The following CTNNA2 variants were observed in gnomAD, a reference collection of about 807,000 sequenced individuals.
CTNNA2 encodes catenin alpha-2.
In CTNNA2, 42 loss-of-function variants were observed where a neutral mutation model predicts 101.0. The observed-to-expected ratio is 0.42, with a 90% CI of 0.32 to 0.54. The LOEUF (loss-of-function observed/expected upper bound fraction) is 0.54, where lower values mean the gene tolerates loss of function less well. Ranked by LOEUF, CTNNA2 falls within the 20% of genes least tolerant of loss-of-function variation. The pLI, the probability that CTNNA2 is intolerant of heterozygous loss-of-function variation, is 0.14. For synonymous variants in CTNNA2, 450 were observed against 456.4 expected (o/e 0.99, Z 0.18); for missense variants, 871 against 1,223.1 (o/e 0.71, Z 4.29).
At chr2:79,734,726 G>T (rs1255651845) in intron 2 of CTNNA2, among the ~76,000 whole-genome samples, 3 of 152,042 alleles carry the variant, frequency 2.0e-5, no homozygotes, top group African/African-American at 7.2e-5. Context: ...TTCCTGAAGG[G>T]AGCATAAATT....
chr2:80,499,681 C>T (rs1009413741), intron 9 of CTNNA2, among the ~76,000 whole-genome samples: 1 of 151,828 alleles, frequency 6.6e-6, no homozygotes, highest in Non-Finnish European at 1.5e-5. Flanking sequence ...ATCAGGCAGG[C>T]GTGGTGGTGA....
intron 7 of CTNNA2, among the ~76,000 whole-genome samples, chr2:80,237,294 T>C (rs922820372): frequency 1.3e-5 from 2 of 152,206 alleles, no homozygotes; most frequent in African/African-American, 4.8e-5. Context: ...TTGAATAATG[T>C]GTTTGTTCAA....
intron 7 of CTNNA2, among the ~76,000 whole-genome samples, chr2:80,058,985 TA>T (rs1165440180): frequency 6.6e-6 from 1 of 152,232 alleles, no homozygotes; most frequent in African/African-American, 2.4e-5. Context: ...CTAATTGACA[TA>T]ATACCAGTCT....
intron 9 of CTNNA2, among the ~76,000 whole-genome samples, chr2:80,507,159 TA>T (rs1310490348): frequency 6.6e-6 from 1 of 152,170 alleles, no homozygotes; most frequent in Admixed American, 6.5e-5. Flanking sequence ...TCCTCATCTG[TA>T]AATGTAGATA....
At chr2:80,231,063 C>T (rs1458983403) in intron 7 of CTNNA2, among the ~76,000 whole-genome samples, 2 of 152,060 alleles carry the variant, frequency 1.3e-5, no homozygotes, top group Admixed American at 6.6e-5. Flanking sequence ...CCTCCATCTC[C>T]CAGGTTCAAG....
intron 3 of CTNNA2, among the ~76,000 whole-genome samples, chr2:79,340,660 T>C (rs75948291): frequency 0.057 from 8,613 of 151,872 alleles, 421 homozygotes; most frequent in African/African-American, 0.12. Flanking sequence ...GGTGAAACCC[T>C]GTCTCTACTA....
intron 7 of CTNNA2, among the ~76,000 whole-genome samples, chr2:80,043,138 C>T (rs1241082704): frequency 2.1e-4 from 11 of 52,758 alleles, no homozygotes; most frequent in African/African-American, 8.6e-4. Flanking sequence ...TCCTTCCTTC[C>T]TTCCTTCCTT....
intron 7 of CTNNA2, among the ~76,000 whole-genome samples, chr2:80,079,552 C>T (rs930478383): frequency 4.6e-5 from 7 of 152,172 alleles, no homozygotes; most frequent in African/African-American, 9.7e-5. Flanking sequence ...CAGTGGCTCA[C>T]GCCCGCAGTC....
At chr2:80,030,182 G>A (rs1016101892) in intron 7 of CTNNA2, among the ~76,000 whole-genome samples, 3 of 151,132 alleles carry the variant, frequency 2.0e-5, no homozygotes, top group Non-Finnish European at 2.9e-5. Context: ...TCATCTGCAT[G>A]CTGTTTTTCA....
intron 4 of CTNNA2, among the ~76,000 whole-genome samples, chr2:79,401,712 G>A (rs1207998562): frequency 6.6e-6 from 1 of 151,392 alleles, no homozygotes; most frequent in African/African-American, 2.4e-5. Flanking sequence ...AAACCCAGAT[G>A]TAAGCCATAT....
chr2:79,972,565 G>A (rs903827894), intron 7 of CTNNA2, among the ~76,000 whole-genome samples: 2 of 152,160 alleles, frequency 1.3e-5, no homozygotes, highest in Non-Finnish European at 2.9e-5. Context: ...ACGTCTTTAC[G>A]TCTAGGTGCA....
intron 7 of CTNNA2, among the ~76,000 whole-genome samples, chr2:80,233,907 A>G (rs550187002): frequency 2.0e-5 from 3 of 152,296 alleles, no homozygotes; most frequent in African/African-American, 4.8e-5. Context: ...GTAGGAGGCT[A>G]TATCTAGTTC....
At chr2:79,846,788 C>T (rs1231235124) in intron 3 of CTNNA2, among the ~76,000 whole-genome samples, 1 of 149,810 alleles carries the variant, frequency 6.7e-6, no homozygotes, top group African/African-American at 2.4e-5. Flanking sequence ...CACCAATGAG[C>T]TCACAGTTAA....
chr2:80,602,356 A>C (rs1316829597), intron 15 of CTNNA2, among the ~76,000 whole-genome samples: 1 of 152,080 alleles, frequency 6.6e-6, no homozygotes, highest in Non-Finnish European at 1.5e-5. Context: ...ATTTTGTCAG[A>C]ATCAATCAGC....
intron 3 of CTNNA2, among the ~76,000 whole-genome samples, chr2:79,362,336 A>G (rs111421848): frequency 2.1e-3 from 317 of 152,350 alleles, no homozygotes; most frequent in Non-Finnish European, 3.6e-3. Flanking sequence ...TAAAAATTAT[A>G]TATATTCATC....
At chr2:79,857,717 A>T (rs1481717507) in intron 3 of CTNNA2, among the ~76,000 whole-genome samples, 2 of 152,216 alleles carry the variant, frequency 1.3e-5, no homozygotes, top group African/African-American at 4.8e-5. Flanking sequence ...ATTAAGCTCA[A>T]GGCAAATCCA....
At chr2:79,657,645 G>A (rs993242932) in intron 2 of CTNNA2, among the ~76,000 whole-genome samples, 1 of 151,610 alleles carries the variant, frequency 6.6e-6, no homozygotes, top group Non-Finnish European at 1.5e-5. Flanking sequence ...AGACAGTGAT[G>A]ATTCTATGTC....
At chr2:79,693,709 G>A (rs1428444604) in intron 2 of CTNNA2, among the ~76,000 whole-genome samples, 1 of 151,902 alleles carries the variant, frequency 6.6e-6, no homozygotes, top group African/African-American at 2.4e-5. Flanking sequence ...ATAAAGGTCA[G>A]GGGCAAGTGG....
chr2:79,245,440 A>G (rs745498243), intron 2 of CTNNA2, among the ~76,000 whole-genome samples: 1 of 152,072 alleles, frequency 6.6e-6, no homozygotes, highest in Non-Finnish European at 1.5e-5. Context: ...ACAGAGCTAG[A>G]CTCCATCTCC....
Sources: gnomAD v4.1 joint callset for allele counts (sites outside exome capture counted in the v4.1 genomes callset) on GRCh38, gnomAD v4.1.1 for gene constraint, MANE v1.5 for transcripts, NCBI Gene and HGNC (gene_info 2026-07-23, HGNC 2026-07-21) for gene names.